The following HOPX variants were observed in gnomAD, a reference collection of about 807,000 sequenced individuals.
HOPX encodes the protein homeodomain-only protein.
Under a neutral mutation model 11.8 loss-of-function variants are expected in HOPX, and 5 were observed. The ratio of observed to expected loss-of-function variants is 0.43; its 90% CI spans 0.22 to 0.89. The LOEUF is 0.89. Ranked by LOEUF, HOPX falls within the 40% of genes least tolerant of loss-of-function variation. The pLI is 0.28. For synonymous variants in HOPX, 49 were observed against 49.7 expected (o/e 0.99, Z 0.06); for missense variants, 119 against 120.0 (o/e 0.99, Z 0.04).
chr4:56,665,416 G>C (rs1718376546), intron 1 of HOPX: 1 of 152,226 alleles, frequency 6.6e-6, no homozygotes, highest in African/African-American at 2.4e-5. Flanking sequence ...CTGTTGAACA[G>C]AACCTAAACA....
chr4:56,672,907 A>G lies in HOPX; in HGVS notation c.-84+8348T>C, dbSNP rs1477983919. 3 of 152,300 alleles carry G rather than the reference A, an allele frequency of 2.0e-5. No individual in the cohort carries two copies. The East Asian group carries it at 5.8e-4, about 29-fold the overall frequency. 9.4% of individuals were successfully genotyped at this position (152,300 alleles called of 1,614,324 possible). On this transcript the variant is annotated intron_variant, in intron 1 of 3. Coordinates refer to ENST00000420433, the MANE Select transcript of HOPX (RefSeq NM_032495.6). ...GTTCTAGAAAATTATTTGTCACTCA[A>G]TCTCTTATTAAAGTACAAGGGAACA...
intron 2 of HOPX, 173 bp from the exon 3 acceptor site, chr4:56,656,185 G>C: frequency 9.0e-7 from 1 of 1,111,414 alleles, no homozygotes; most frequent in Non-Finnish European, 1.1e-6. Flanking sequence ...GCTTACGGCT[G>C]CCCCCCACCC....
At chr4:56,661,541 G>A (rs2109505339) in intron 1 of HOPX, among the ~76,000 whole-genome samples, 1 of 152,294 alleles carries the variant, frequency 6.6e-6, no homozygotes, top group South Asian at 2.1e-4. Flanking sequence ...GTATTTTAAA[G>A]TTGTTGAACA....
rs1050687995 is a variant in HOPX at position 56,674,003 on chromosome 4, C to T, written c.-84+7252G>A. 8.6e-5 allele frequency among the ~76,000 whole-genome samples: 13 copies of T among 151,584 alleles called. 1 individual carries two copies. Among genetic ancestry groups the T allele is most frequent in the African/African-American group, 3.2e-4 (13 of 40,892 alleles). ...TACAGGCATGAGCCACTGCACCCAGCCCTAATTTTACTATTGTTTAGTCAA... is the reference window on the plus strand; with the variant it reads ...TACAGGCATGAGCCACTGCACCCAGTCCTAATTTTACTATTGTTTAGTCAA... On this transcript the variant is annotated intron_variant, in intron 1 of 3. Transcript: ENST00000420433.
intron 1 of HOPX, among the ~76,000 whole-genome samples, chr4:56,661,216 A>AT (rs1718100983): frequency 6.6e-6 from 1 of 152,098 alleles, no homozygotes. Flanking sequence ...ACCATATATA[A>AT]TTTTTCTGTA....
At chr4:56,673,860 A>G (rs1560375011) in intron 1 of HOPX, among the ~76,000 whole-genome samples, 1 of 151,824 alleles carries the variant, frequency 6.6e-6, no homozygotes, top group East Asian at 1.9e-4. Flanking sequence ...ATGCACCAAC[A>G]TGCCCATCTA....
chr4:56,656,503 G>A (rs964285744), intron 2 of HOPX: 3 of 985,390 alleles, frequency 3.0e-6, no homozygotes, highest in Non-Finnish European at 3.6e-6. Context: ...CGGCCTCCCC[G>A]GTAGGCGGCC....
intron 1 of HOPX, among the ~76,000 whole-genome samples, chr4:56,676,013 C>T (rs528076869): frequency 9.2e-5 from 14 of 151,864 alleles, no homozygotes; most frequent in Middle Eastern, 3.4e-3. Flanking sequence ...TCAAAGGAAG[C>T]TGGCCAGGTG....
At chr4:56,655,832 G>A in intron 3 of HOPX, 25 bp downstream of exon 3, 1 of 1,606,522 alleles carries the variant, frequency 6.2e-7, no homozygotes, top group Non-Finnish European at 8.5e-7. Flanking sequence ...GGGTCGGGGC[G>A]CGCTGGGCGC....
intron 1 of HOPX, among the ~76,000 whole-genome samples, chr4:56,667,726 GTA>G (rs1718517175): frequency 6.6e-6 from 1 of 152,196 alleles, no homozygotes; most frequent in Non-Finnish European, 1.5e-5. Context: ...CTGTAGTTAA[GTA>G]TATGTTTTCC....
At chr4:56,674,064 T>G (rs1209015036) in intron 1 of HOPX, among the ~76,000 whole-genome samples, 1 of 151,504 alleles carries the variant, frequency 6.6e-6, no homozygotes, top group Non-Finnish European at 1.5e-5. Context: ...CCAAGGACTC[T>G]CCTCCCTTTT....
intron 1 of HOPX, chr4:56,680,052 G>T (rs1351145383): frequency 5.9e-5 from 9 of 152,164 alleles, no homozygotes; most frequent in Admixed American, 2.0e-4. Flanking sequence ...GCTAAGAAGT[G>T]CCTGCCACGT....
intron 1 of HOPX, chr4:56,663,190 C>T (rs1048680857): frequency 5.3e-5 from 8 of 152,102 alleles, no homozygotes; most frequent in Admixed American, 5.2e-4. Context: ...GTAACAATTA[C>T]AGGTACAAGC....
At chr4:56,663,309 C>T (rs372210110) in intron 1 of HOPX, 8 of 152,240 alleles carry the variant, frequency 5.3e-5, no homozygotes, top group South Asian at 2.1e-4. Context: ...GAATTCATGC[C>T]ATTCCCACTG....
At chr4:56,673,211 A>T (rs1718832434) in intron 1 of HOPX, among the ~76,000 whole-genome samples, 2 of 152,214 alleles carry the variant, frequency 1.3e-5, no homozygotes, top group South Asian at 4.1e-4. Context: ...TATTGATAAT[A>T]ATGCATTAGA....
At chr4:56,653,346 T>C (rs1377162224) in intron 3 of HOPX, among the ~76,000 whole-genome samples, 2 of 152,198 alleles carry the variant, frequency 1.3e-5, no homozygotes, top group African/African-American at 4.8e-5. Context: ...TGTGAGCTAC[T>C]GTGCCCAGCC....
intron 1 of HOPX, among the ~76,000 whole-genome samples, chr4:56,661,742 G>C (rs547531094): frequency 6.6e-6 from 1 of 152,260 alleles, no homozygotes; most frequent in African/African-American, 2.4e-5. Context: ...GTTTCCACAT[G>C]TTTACTGTTT....
intron 1 of HOPX, among the ~76,000 whole-genome samples, chr4:56,668,841 T>A (rs1402412058): frequency 1.3e-5 from 2 of 152,162 alleles, no homozygotes; most frequent in Non-Finnish European, 2.9e-5. Flanking sequence ...AGGGCTGGAT[T>A]TCATTTCTAA....
chr4:56,657,656 G>T, intron 2 of HOPX, 119 bp downstream of exon 2: 1 of 707,190 alleles, frequency 1.4e-6, no homozygotes, highest in Non-Finnish European at 2.6e-6. Context: ...ACTGATTCCT[G>T]TCACGGTGCT....
Sources: allele counts gnomAD v4.1 joint callset (sites outside exome capture counted in the v4.1 genomes callset), GRCh38; gene constraint gnomAD v4.1.1; transcripts MANE v1.5; gene names NCBI Gene and HGNC (gene_info 2026-07-23, HGNC 2026-07-21).